Variants in MTMR10 observed in about 807,000 individuals in gnomAD.
The protein encoded by MTMR10 is myotubularin related protein 10.
A neutral mutation model predicts 88.1 loss-of-function variants in MTMR10; 56 were observed. That is an observed-to-expected ratio of 0.64 (90% confidence interval 0.51 to 0.79). MTMR10 has a LOEUF of 0.79. Among genes scored for constraint, MTMR10 ranks in the 30% least tolerant of loss-of-function variants. The pLI is 0.00. For missense variants in MTMR10, 883 were observed against 924.7 expected (o/e 0.95, Z 0.58); for synonymous variants, 380 against 340.9 (o/e 1.11, Z -1.26).
intron 2 of MTMR10, among the ~76,000 whole-genome samples, chr15:30,984,250 AG>A (rs1184739353): frequency 2.0e-5 from 3 of 152,144 alleles, no homozygotes; most frequent in Non-Finnish European, 4.4e-5. Context: ...AGGAGTTTGG[AG>A]GGGTAAGAAA....
chr15:30,949,853 A>G (rs2063218770), intron 12 of MTMR10: 1 of 152,258 alleles, frequency 6.6e-6, no homozygotes, highest in Non-Finnish European at 1.5e-5. Context: ...GAATGAAAGA[A>G]GCCAGCGGCA....
the MTMR10 span, chr15:30,926,748 G>T: frequency 5.1e-6 from 5 of 985,432 alleles, no homozygotes; most frequent in East Asian, 1.1e-4. Flanking sequence ...CTCGCTGGAG[G>T]AGGAAGCAGG....
chr15:30,941,480 T>C lies in MTMR10; in HGVS notation c.2324A>G (p.Asn775Ser), dbSNP rs1354683683. 6.2e-7 allele frequency: 1 copy of C among 1,604,712 alleles called. No individual in the cohort carries two copies. Among genetic ancestry groups the C allele is most frequent in the Non-Finnish European group, 8.5e-7 (1 of 1,175,068 alleles). Residue 775 changes from asparagine (N) to serine (S), a missense_variant, in exon 16 of 16, where the codon AAT becomes AGT. By Grantham distance (46) the Asn-to-Ser change is conservative. Around this residue, in one of 3 missense-constraint regions of MTMR10, gnomAD observed 343 missense variants for 323.2 expected, o/e 1.06. Transcript: ENST00000435680. The stretch of plus-strand genomic sequence containing the variant: ...AGAAAACACCCTATTTTAGTCTTCA[T>C]TTGCTAATGTCTCAGTAGACAACCA... ...KIWLSTETLA[N>S]ED
chr15:30,976,083 TA>T (rs2030117657), intron 3 of MTMR10, among the ~76,000 whole-genome samples: 1 of 150,486 alleles, frequency 6.6e-6, no homozygotes, highest in African/African-American at 2.5e-5. Flanking sequence ...TTTAACTTTT[TA>T]GGAAAATAAC....
chr15:30,955,428 A>G (rs928179187), intron 9 of MTMR10, among the ~76,000 whole-genome samples: 5 of 151,966 alleles, frequency 3.3e-5, no homozygotes, highest in South Asian at 2.1e-4. Context: ...CCGCCACCAC[A>G]CCTGGCTAAA....
intron 1 of MTMR10, 170 bp downstream of exon 1, chr15:30,991,277 G>A: frequency 1.7e-6 from 1 of 600,560 alleles, no homozygotes; most frequent in East Asian, 3.4e-5. Flanking sequence ...CCGAGCCAGT[G>A]GGGGCTCCCG....
intron 13 of MTMR10, 128 bp from the exon 14 acceptor site, chr15:30,947,428 C>G: frequency 1.8e-6 from 2 of 1,095,234 alleles, no homozygotes; most frequent in South Asian, 3.1e-5. Context: ...AAACACTTGC[C>G]TTCTAAGCTG....
At chr15:30,960,686 T>C (rs902839380) in intron 7 of MTMR10, among the ~76,000 whole-genome samples, 195 bp downstream of exon 7, 1 of 152,188 alleles carries the variant, frequency 6.6e-6, no homozygotes, top group Non-Finnish European at 1.5e-5. Context: ...GGAATTACTA[T>C]CAACTTCTTT....
At chr15:30,937,393 A>G, downstream of MTMR10, 1 of 782,650 alleles carries the variant, frequency 1.3e-6, no homozygotes, top group Non-Finnish European at 2.0e-6. Context: ...TCTGCATATC[A>G]CAAAACAGTG....
rs1297415920 is a variant in MTMR10 at position 30,940,736 on chromosome 15, C to T, written c.*734G>A. 2.0e-6 allele frequency: 2 copies of T among 989,538 alleles called. No homozygotes were observed. Among genetic ancestry groups the T allele is most frequent in the East Asian group, 2.2e-4 (2 of 8,922 alleles). The allele number at this position is 989,538 out of a possible 1,614,324, so 61.3% of individuals were successfully genotyped here. ...GAAGCTTAGTATGAAAAGCCTATTT[C>T]AAATATGCAATGGGATTTTCCCACC... On this transcript the variant is annotated 3_prime_UTR_variant, in exon 16 of 16. Transcript: ENST00000435680.
In MTMR10 at chr15:30,966,103, G is replaced by C. The variant is rs2063468928; in HGVS notation, c.565+1817C>G. On this transcript the variant is annotated intron_variant, in intron 6 of 15. Transcript: ENST00000435680. ...TACGAGGAATCTTAACAAAACTATG[G>C]CCAGTGTTATGTTTATGAGGTACTT... 8 of 450,270 alleles carry C rather than the reference G, an allele frequency of 1.8e-5. 1 individual carries two copies. Among genetic ancestry groups the C allele is most frequent in the South Asian group, 1.3e-4 (8 of 63,166 alleles). The allele number at this position is 450,270 out of a possible 1,614,324, so 27.9% of individuals were successfully genotyped here.
intron 15 of MTMR10, chr15:30,942,385 T>G: frequency 2.6e-6 from 1 of 383,942 alleles, no homozygotes; most frequent in Non-Finnish European, 4.7e-6. Context: ...GCCGATTCTA[T>G]CAAGAACAAT....
the MTMR10 span, chr15:30,926,859 C>A: frequency 1.0e-6 from 1 of 985,412 alleles, no homozygotes; most frequent in Non-Finnish European, 1.2e-6. Context: ...TGATTAAAAT[C>A]GATGCCGTGA....
At chr15:30,929,956 A>G in the MTMR10 span, among the ~76,000 whole-genome samples, 1 of 121,010 alleles carries the variant, frequency 8.3e-6, no homozygotes, top group African/African-American at 3.5e-5. Context: ...TATAATATAT[A>G]TCATATAATA....
chr15:30,991,598 C>T lies in MTMR10; in HGVS notation c.-92G>A, dbSNP rs2031341210. On this transcript the variant is annotated 5_prime_UTR_variant, in exon 1 of 16. Transcript: ENST00000435680. ...AAGCTCTCAGTGCGGCCGCCCAGGCCCTTTCTGCGGCCAGCCGAGCCGGGC... is the reference window on the plus strand; with the variant it reads ...AAGCTCTCAGTGCGGCCGCCCAGGCTCTTTCTGCGGCCAGCCGAGCCGGGC... 4 of 1,428,780 alleles carry T rather than the reference C, an allele frequency of 2.8e-6. No individual in the cohort carries two copies. Among genetic ancestry groups the T allele is most frequent in the Non-Finnish European group, 3.7e-6 (4 of 1,082,610 alleles). The allele number at this position is 1,428,780 out of a possible 1,614,324, so 88.5% of individuals were successfully genotyped here.
At position 30,940,088 on chromosome 15, in the gene MTMR10, A is replaced by G; in HGVS notation, c.*1382T>C. On this transcript the variant is annotated 3_prime_UTR_variant, in exon 16 of 16. Coordinates refer to ENST00000435680, the MANE Select transcript of MTMR10 (RefSeq NM_017762.3). Reference sequence around the variant, plus strand: ...TTAGAAAAGGAAATAAGCTAACTAGACACTTTACTATAAAAATTTTCCATA... The same window carrying G: ...TTAGAAAAGGAAATAAGCTAACTAGGCACTTTACTATAAAAATTTTCCATA... 1 of 984,028 alleles carries G rather than the reference A, an allele frequency of 1.0e-6. No homozygotes were observed. The highest frequency in any genetic ancestry group is 1.1e-4 in the East Asian group (1 of 8,812). 61.0% of individuals were successfully genotyped at this position (984,028 alleles called of 1,614,324 possible). A position where few individuals can be genotyped will look rare whatever the true frequency, so the allele number is the denominator to read the frequency against.
At chr15:30,943,427 T>G in intron 14 of MTMR10, 1 of 985,186 alleles carries the variant, frequency 1.0e-6, no homozygotes, top group Non-Finnish European at 1.2e-6. Context: ...TTTACTTTTA[T>G]GAGCACACGG....
At chr15:30,988,596 C>T (rs7175951) in intron 2 of MTMR10, among the ~76,000 whole-genome samples, 1 of 151,978 alleles carries the variant, frequency 6.6e-6, no homozygotes, top group South Asian at 2.1e-4. Context: ...GACTTTTAGC[C>T]ATTTTATAGA....
intron 4 of MTMR10, 35 bp downstream of exon 4, chr15:30,974,896 A>C: frequency 1.5e-6 from 2 of 1,315,498 alleles, no homozygotes; most frequent in South Asian, 1.6e-5. Flanking sequence ...CCAGAGTGGA[A>C]TTGACTTTTA....
Sources: allele counts gnomAD v4.1 joint callset (sites outside exome capture counted in the v4.1 genomes callset), GRCh38; gene constraint gnomAD v4.1.1; regional missense constraint gnomAD v4.1.1; transcripts MANE v1.5; gene names NCBI Gene and HGNC (gene_info 2026-07-23, HGNC 2026-07-21).